The following CDH4 variants were observed in gnomAD, a reference collection of about 807,000 sequenced individuals.
CDH4 encodes cadherin 4.
A neutral mutation model predicts 86.0 loss-of-function variants in CDH4; 33 were observed. That is an observed-to-expected ratio of 0.38 (90% CI 0.29 to 0.51). The LOEUF (loss-of-function observed/expected upper bound fraction) is 0.51, where lower values mean the gene tolerates loss of function less well. Ranked by LOEUF, CDH4 falls within the 20% of genes least tolerant of loss-of-function variation. CDH4 has a pLI of 0.86. For synonymous variants in CDH4, 555 were observed against 549.4 expected, an observed-to-expected ratio of 1.01 and a Z score of -0.14; for missense variants, 1,114 against 1,307.4, an observed-to-expected ratio of 0.85 and a Z score of 2.28.
intron 2 of CDH4, among the ~76,000 whole-genome samples, chr20:61,539,545 A>G (rs192338470): frequency 1.1e-3 from 169 of 152,192 alleles, no homozygotes; most frequent in African/African-American, 3.8e-3. Context: ...GCCCCACCCT[A>G]ATGGCCTGAT....
chr20:61,671,473 G>A (rs1211517378), intron 2 of CDH4, among the ~76,000 whole-genome samples: 1 of 152,200 alleles, frequency 6.6e-6, no homozygotes, highest in East Asian at 1.9e-4. Context: ...TCCAGCGTGG[G>A]CAACAGAGTG....
chr20:61,405,949 G>A (rs1387080738), intron 2 of CDH4, among the ~76,000 whole-genome samples: 1 of 152,100 alleles, frequency 6.6e-6, no homozygotes, highest in East Asian at 1.9e-4. Context: ...CAAAGTGCTG[G>A]GATTACAGGC....
In CDH4 at chr20:61,254,030, G is replaced by C. The variant is rs150079210; in HGVS notation, c.58-796G>C. On this transcript the variant is annotated intron_variant, in intron 1 of 15. Transcript: ENST00000614565. ...GCCCCCTCCCAGAAGCTTGGTCGGA[G>C]GGCCCTGTCGTCCACCCCATCCTTC... Among the ~76,000 whole-genome samples the C allele has an allele frequency of 3.6e-3, 556 of 152,344 alleles. 3 individuals carry two copies. Among genetic ancestry groups the C allele is most frequent in the South Asian group, 0.013 (64 of 4,830 alleles).
chr20:61,367,095 C>T (rs1214760639), intron 2 of CDH4, among the ~76,000 whole-genome samples: 1 of 152,166 alleles, frequency 6.6e-6, no homozygotes, highest in Admixed American at 6.5e-5. Context: ...TCCAGTCCAC[C>T]CAAGCCCTGA....
intron 2 of CDH4, among the ~76,000 whole-genome samples, chr20:61,650,145 T>TA (rs1175955336): frequency 2.4e-4 from 36 of 152,332 alleles, no homozygotes; most frequent in African/African-American, 7.2e-4. Context: ...TCAATATTCT[T>TA]ATACCAAAAA....
rs943363584 is a variant in CDH4, at chr20:61,708,316, C to T, written c.170-35247C>T. 2.0e-5 allele frequency among the ~76,000 whole-genome samples: 3 copies of T among 152,030 alleles called. No individual in the cohort carries two copies. Among genetic ancestry groups the T allele is most frequent in the Admixed American group, 6.5e-5 (1 of 15,272 alleles). On this transcript the variant is annotated intron_variant, in intron 2 of 15. Coordinates refer to ENST00000614565, the MANE Select transcript of CDH4 (RefSeq NM_001794.5). This position sits in a 1 kb window ranked among gnomAD's most constrained non-coding sequence, Gnocchi z 4.5. ...CCGCTGACTCAGACTCCCCGCCCCC[C>T]GCCTACCCCCAGCAGCTTGGTCCCC...
rs114043267 is a variant in CDH4, at chr20:61,739,318, G to A, written c.170-4245G>A. On this transcript the variant is annotated intron_variant, in intron 2 of 15. Coordinates refer to ENST00000614565, the MANE Select transcript of CDH4 (RefSeq NM_001794.5). ...CTGCCCTCAGCCTGATGGGAGCCCCGGACCAGCCTGGGGAGGCTTTGCCCC... is the reference window on the plus strand; with the variant it reads ...CTGCCCTCAGCCTGATGGGAGCCCCAGACCAGCCTGGGGAGGCTTTGCCCC... Among the ~76,000 whole-genome samples the A allele has an allele frequency of 5.2e-3, 797 of 152,278 alleles. 4 individuals are homozygous for A. The highest frequency in any genetic ancestry group is 0.018 in the African/African-American group (757 of 41,568).
At chr20:61,470,185 C>T (rs2085494615) in intron 2 of CDH4, among the ~76,000 whole-genome samples, 1 of 152,060 alleles carries the variant, frequency 6.6e-6, no homozygotes, top group Non-Finnish European at 1.5e-5. Flanking sequence ...TTCTTCTAAT[C>T]CAGAGACATG....
chr20:61,639,909 C>T (rs1355137445), intron 2 of CDH4, among the ~76,000 whole-genome samples: 1 of 152,080 alleles, frequency 6.6e-6, no homozygotes, highest in Non-Finnish European at 1.5e-5. Flanking sequence ...ATCTTGGAGC[C>T]GCTGTGTCAG....
At chr20:61,831,615 T>G (rs1468626235) in intron 4 of CDH4, among the ~76,000 whole-genome samples, 1 of 152,264 alleles carries the variant, frequency 6.6e-6, no homozygotes, top group Non-Finnish European at 1.5e-5. Context: ...CAAACTTTGA[T>G]GCCGAACAAA....
intron 5 of CDH4, among the ~76,000 whole-genome samples, chr20:61,846,129 A>G (rs1982441456): frequency 6.6e-6 from 1 of 152,334 alleles, no homozygotes; most frequent in South Asian, 2.1e-4. Context: ...TCGGAGCTGG[A>G]TGGATCCTGG....
chr20:61,929,520 C>T, intron 12 of CDH4, 89 bp from the exon 13 acceptor site: 1 of 921,444 alleles, frequency 1.1e-6, no homozygotes, highest in Non-Finnish European at 1.7e-6. Flanking sequence ...GATTTCCATG[C>T]CATCGGACTT....
chr20:61,428,920 C>A (rs1052896849), intron 2 of CDH4, among the ~76,000 whole-genome samples: 1 of 152,198 alleles, frequency 6.6e-6, no homozygotes, highest in African/African-American at 2.4e-5. Flanking sequence ...CTCCCATGTT[C>A]ACAGTGCATA....
intron 2 of CDH4, among the ~76,000 whole-genome samples, chr20:61,411,926 G>C (rs1344375898): frequency 6.6e-6 from 1 of 152,242 alleles, no homozygotes; most frequent in Admixed American, 6.5e-5. Context: ...TGAGGCCAGA[G>C]AGACCAAGGC....
intron 2 of CDH4, among the ~76,000 whole-genome samples, chr20:61,426,788 TC>T (rs1168790356): frequency 6.6e-6 from 1 of 152,220 alleles, no homozygotes; most frequent in Admixed American, 6.5e-5. Context: ...ATGGATGCTT[TC>T]TTCATAGACC....
At chr20:61,934,939 ACACT>A (rs2123017248) in intron 15 of CDH4, among the ~76,000 whole-genome samples, 1 of 152,382 alleles carries the variant, frequency 6.6e-6, no homozygotes, top group South Asian at 2.1e-4. Context: ...CGCCAGGGCA[ACACT>A]CAGTTTCCAC....
At chr20:61,923,153 C>T (rs1265338595) in intron 9 of CDH4, among the ~76,000 whole-genome samples, 2 of 152,182 alleles carry the variant, frequency 1.3e-5, no homozygotes, top group Non-Finnish European at 2.9e-5. Flanking sequence ...GGCCGCCCAG[C>T]GGGGGCTGCA....
intron 2 of CDH4, among the ~76,000 whole-genome samples, chr20:61,652,938 A>ATTTATTTTTTTTTTT (rs1555819716): frequency 1.8e-4 from 18 of 97,386 alleles, no homozygotes; most frequent in Admixed American, 5.3e-4. Flanking sequence ...TTATTTATTT[A>ATTTATTTTTTTTTTT]TTTTTTTTTT....
intron 2 of CDH4, among the ~76,000 whole-genome samples, chr20:61,680,783 A>G (rs2087503822): frequency 6.6e-6 from 1 of 152,128 alleles, no homozygotes; most frequent in Admixed American, 6.5e-5. Flanking sequence ...GACCTCGGAC[A>G]GCCTCAGCCA....
Sources: gnomAD v4.1 joint callset for allele counts (sites outside exome capture counted in the v4.1 genomes callset) on GRCh38, gnomAD v4.1.1 for gene constraint, Gnocchi (gnomAD v3.1) non-coding constraint, MANE v1.5 for transcripts, NCBI Gene and HGNC (gene_info 2026-07-23, HGNC 2026-07-21) for gene names.